Variants in USP10 observed in about 807,000 individuals in gnomAD.
The protein encoded by USP10 is ubiquitin specific peptidase 10, also known as ubiquitin carboxyl-terminal hydrolase 10.
In USP10, 22 loss-of-function variants were observed where a neutral mutation model predicts 84.5. The ratio of observed to expected loss-of-function variants is 0.26; its 90% CI spans 0.19 to 0.37. The LOEUF (loss-of-function observed/expected upper bound fraction) is 0.37. Among genes scored for constraint, USP10 ranks in the 10% least tolerant of loss-of-function variants. The pLI, the probability that USP10 is intolerant of heterozygous loss-of-function variation, is 1.00. For missense variants in USP10, 1,019 were observed against 998.9 expected (o/e 1.02, Z -0.27); for synonymous variants, 454 against 387.6 (o/e 1.17, Z -2.01).
intron 3 of USP10, among the ~76,000 whole-genome samples, chr16:84,742,770 G>C (rs1391248402): frequency 1.3e-5 from 2 of 152,176 alleles, no homozygotes; most frequent in Non-Finnish European, 2.9e-5. Context: ...GTGCTGGCTA[G>C]GAATCTGCCT....
At chr16:84,764,334 G>A (rs910125336) in intron 10 of USP10, 71 bp downstream of exon 10, 1 of 1,594,518 alleles carries the variant, frequency 6.3e-7, no homozygotes, top group African/African-American at 1.3e-5. Context: ...AAGGGGGAAG[G>A]TGTGAGGCTT....
At chr16:84,754,989 G>GAA (rs35408254) in intron 4 of USP10, among the ~76,000 whole-genome samples, 14 of 145,946 alleles carry the variant, frequency 9.6e-5, no homozygotes, top group South Asian at 4.3e-4. Flanking sequence ...CTTTGTCCCA[G>GAA]AAAAAAAAAA....
intron 2 of USP10, among the ~76,000 whole-genome samples, chr16:84,740,019 C>T (rs12149780): frequency 0.71 from 107,713 of 152,188 alleles, 39,285 homozygotes; most frequent in East Asian, 0.95. Context: ...ATAAGCATTT[C>T]ATTGTAGCTG....
At chr16:84,706,532 A>G (rs1905536554) in intron 1 of USP10, among the ~76,000 whole-genome samples, 1 of 147,838 alleles carries the variant, frequency 6.8e-6, no homozygotes, top group African/African-American at 2.5e-5. Flanking sequence ...TTATATTTAT[A>G]TATATTTTTA....
chr16:84,744,565 G>A, intron 3 of USP10, 68 bp from the exon 4 acceptor site: 1 of 1,380,730 alleles, frequency 7.2e-7, no homozygotes, highest in Non-Finnish European at 9.7e-7. Context: ...CAAAGAGAAA[G>A]TGAGTAATTA....
Position 84,706,601 on chromosome 16 carries a change from C to T in USP10, c.21+6490C>T, listed in dbSNP as rs1481849067. On this transcript the variant is annotated intron_variant, in intron 1 of 13. Transcript: ENST00000219473. ...TGTCACCCAGGCTGGAGTGCAGTGG[C>T]GCAATCTCGGCTCACTGCAAGCTCC... Among the ~76,000 whole-genome samples the T allele has an allele frequency of 4.0e-5, 6 of 151,122 alleles. No homozygotes were observed. The East Asian group carries it at 5.8e-4, about 15-fold the overall frequency.
chr16:84,733,558 G>T (rs1909516865), intron 2 of USP10, 55 bp downstream of exon 2: 9 of 1,241,948 alleles, frequency 7.2e-6, no homozygotes, highest in Admixed American at 2.4e-5. Context: ...TAATAGTTAT[G>T]TTTCTATTTT....
chr16:84,776,888 C>T (rs184597186), intron 13 of USP10, among the ~76,000 whole-genome samples: 38 of 152,380 alleles, frequency 2.5e-4, no homozygotes, highest in African/African-American at 8.2e-4. Context: ...TCTCCATTCA[C>T]TGCAACCTCT....
chr16:84,772,728 C>A (rs1435718635), intron 12 of USP10, 43 bp downstream of exon 12: 5 of 1,604,192 alleles, frequency 3.1e-6, no homozygotes, highest in Non-Finnish European at 3.4e-6. Flanking sequence ...GTGACACACT[C>A]CTGCACATCA....
At chr16:84,725,123 C>G (rs1017155671) in intron 1 of USP10, among the ~76,000 whole-genome samples, 2 of 152,128 alleles carry the variant, frequency 1.3e-5, no homozygotes, top group African/African-American at 4.8e-5. Flanking sequence ...GCAGCTAACA[C>G]CGTAGTCCAT....
At chr16:84,775,414 T>C (rs1320705951) in intron 13 of USP10, among the ~76,000 whole-genome samples, 189 bp downstream of exon 13, 1 of 152,202 alleles carries the variant, frequency 6.6e-6, no homozygotes, top group African/African-American at 2.4e-5. Context: ...ATTATCATCT[T>C]GGCCCTGAGG....
At chr16:84,720,998 A>G (rs1185899682) in intron 1 of USP10, among the ~76,000 whole-genome samples, 2 of 147,976 alleles carry the variant, frequency 1.4e-5, no homozygotes, top group Non-Finnish European at 3.0e-5. Flanking sequence ...TATTCAAGCT[A>G]TTTTCCTGCC....
At chr16:84,766,041 A>C (rs7191213) in intron 10 of USP10, among the ~76,000 whole-genome samples, 2,138 of 151,956 alleles carry the variant, frequency 0.014, 33 homozygotes, top group African/African-American at 0.049. Context: ...TTTCAGTGAC[A>C]CTCTTAGTCT....
intron 5 of USP10, 137 bp downstream of exon 5, chr16:84,758,944 G>A: frequency 1.5e-6 from 1 of 676,486 alleles, no homozygotes; most frequent in Non-Finnish European, 2.6e-6. Context: ...TACTTGGTCT[G>A]CCTACCTTGC....
At chr16:84,744,322 G>T (rs1280490611) in intron 3 of USP10, among the ~76,000 whole-genome samples, 1 of 152,040 alleles carries the variant, frequency 6.6e-6, no homozygotes, top group Non-Finnish European at 1.5e-5. Flanking sequence ...AGATTCCACT[G>T]GGGGGTATTT....
chr16:84,725,361 A>G lies in USP10; in HGVS notation c.22-8074A>G, dbSNP rs547012073. On this transcript the variant is annotated intron_variant, in intron 1 of 13. Coordinates refer to ENST00000219473, the MANE Select transcript of USP10 (RefSeq NM_005153.3). Reference sequence around the variant, plus strand: ...TCAAAGTCATCCTGTTGTAGCATGCATTAGTCTGATGACATTTTCTTTTTC... The same window carrying G: ...TCAAAGTCATCCTGTTGTAGCATGCGTTAGTCTGATGACATTTTCTTTTTC... 3.3e-5 allele frequency among the ~76,000 whole-genome samples: 5 copies of G among 152,304 alleles called. No individual in the cohort carries two copies. The South Asian group carries it at 6.2e-4, about 19-fold the overall frequency.
intron 1 of USP10, among the ~76,000 whole-genome samples, chr16:84,731,011 C>G (rs1209851389): frequency 1.6e-5 from 2 of 125,736 alleles, no homozygotes; most frequent in Non-Finnish European, 3.2e-5. Flanking sequence ...CACGGAATCT[C>G]TCTCTGTCAG....
At chr16:84,735,162 C>A (rs867057185) in intron 2 of USP10, among the ~76,000 whole-genome samples, 40 of 150,770 alleles carry the variant, frequency 2.7e-4, no homozygotes, top group South Asian at 2.1e-3. Context: ...CCCTGAATAG[C>A]TGGGATTACA....
At position 84,759,191 on chromosome 16, in the gene USP10, G is replaced by T. The variant is rs968054123; in HGVS notation, c.1285-172G>T. 9.2e-6 allele frequency: 6 copies of T among 651,780 alleles called. No homozygotes were observed. The South Asian group carries it at 1.1e-4, about 12-fold the overall frequency. The allele number at this position is 651,780 out of a possible 1,614,324, so 40.4% of individuals were successfully genotyped here. On this transcript the variant is annotated intron_variant, in intron 5 of 13. Coordinates refer to ENST00000219473, the MANE Select transcript of USP10 (RefSeq NM_005153.3). ...GTAGATCCTTATATGGACATCACAG[G>T]ACACTTACCCTAGTAACTATTTGGT...
Sources: gnomAD v4.1 joint callset for allele counts (sites outside exome capture counted in the v4.1 genomes callset) on GRCh38, gnomAD v4.1.1 for gene constraint, MANE v1.5 for transcripts, NCBI Gene and HGNC (gene_info 2026-07-23, HGNC 2026-07-21) for gene names.